The following ABCG2 variants were observed in gnomAD, a reference collection of about 807,000 sequenced individuals.
ABCG2 encodes ATP binding cassette subfamily G member 2 (JR blood group).
A neutral mutation model predicts 73.5 loss-of-function variants in ABCG2; 80 were observed. The observed-to-expected ratio is 1.09, with a 90% confidence interval of 0.91 to 1.31. ABCG2 has a LOEUF of 1.31. Ranked by LOEUF, ABCG2 falls within the 50% of genes most tolerant of loss-of-function variation. ABCG2 has a pLI of 0.00. For missense variants in ABCG2, 796 were observed against 786.2 expected (o/e 1.01, Z -0.15); for synonymous variants, 269 against 282.4 (o/e 0.95, Z 0.48).
At chr4:88,106,933 T>C (rs189141124) in intron 10 of ABCG2, among the ~76,000 whole-genome samples, 15 of 152,258 alleles carry the variant, frequency 9.9e-5, no homozygotes, top group South Asian at 4.2e-4. Context: ...TCGAGGCTAC[T>C]TGGGAAGCTG....
intron 15 of ABCG2, among the ~76,000 whole-genome samples, chr4:88,093,773 T>C (rs910178986): frequency 3.3e-5 from 5 of 152,190 alleles, no homozygotes; most frequent in African/African-American, 1.2e-4. Context: ...ATTCAGGAGA[T>C]TGAGGATAAT....
chr4:88,219,675 A>G (rs1202590509), intron 1 of ABCG2, among the ~76,000 whole-genome samples: 2 of 130,936 alleles, frequency 1.5e-5, no homozygotes, highest in Non-Finnish European at 3.1e-5. Flanking sequence ...TCCGCCTCCC[A>G]GGTTCACGCC....
chr4:88,210,298 T>C (rs1386614268), intron 1 of ABCG2, among the ~76,000 whole-genome samples: 1 of 152,150 alleles, frequency 6.6e-6, no homozygotes, highest in Non-Finnish European at 1.5e-5. Flanking sequence ...CAAGCAACCT[T>C]CCCACCTCAG....
rs759785146 is a variant in ABCG2 at position 88,097,494 on chromosome 4, C to T, written c.1606G>A (p.Val536Ile). 3.7e-6 allele frequency: 6 copies of T among 1,614,174 alleles called. No homozygotes were observed. The highest frequency in any genetic ancestry group is 2.2e-5 in the East Asian group (1 of 44,866). The change falls in exon 13 of 16, where the codon GTA becomes ATA. Residue 536 changes from valine to isoleucine, a missense_variant. Val to Ile is a conservative substitution (Grantham distance 29, BLOSUM62 3). Transcript: ENST00000237612. ...AIAAGQSVVS[V>I]ATLLMTICFV... Reference sequence around the variant, plus strand: ...CAGATGGTCATGAGAAGTGTTGCTACAGAAACCACACTCTGACCTGCTGCT... The same window carrying T: ...CAGATGGTCATGAGAAGTGTTGCTATAGAAACCACACTCTGACCTGCTGCT...
chr4:88,101,568 A>C (rs2110189451), intron 10 of ABCG2, among the ~76,000 whole-genome samples: 1 of 152,088 alleles, frequency 6.6e-6, no homozygotes, highest in South Asian at 2.1e-4. Context: ...GTCTCCCCCC[A>C]CCAAAATTCA....
intron 11 of ABCG2, among the ~76,000 whole-genome samples, chr4:88,100,731 C>T (rs549903799): frequency 1.3e-4 from 20 of 152,106 alleles, no homozygotes; most frequent in Non-Finnish European, 2.2e-4. Flanking sequence ...CCTTCCGGCT[C>T]GTGCCACTTC....
At chr4:88,191,790 A>G (rs1728704300) in intron 1 of ABCG2, among the ~76,000 whole-genome samples, 1 of 152,264 alleles carries the variant, frequency 6.6e-6, no homozygotes, top group Non-Finnish European at 1.5e-5. Flanking sequence ...AAATTAATGA[A>G]GTACTAATTC....
intron 5 of ABCG2, among the ~76,000 whole-genome samples, chr4:88,129,100 T>C (rs753613319): frequency 2.0e-5 from 3 of 152,106 alleles, no homozygotes; most frequent in Non-Finnish European, 4.4e-5. Flanking sequence ...TCTAACACTC[T>C]CTCCCCTCCC....
In ABCG2 at chr4:88,090,821, G is replaced by GT. The variant is rs765268483; in HGVS notation, c.*1412dup. The GT allele has an allele frequency of 3.3e-5, 5 of 152,254 alleles. No individual in the cohort carries two copies. Among genetic ancestry groups the GT allele is most frequent in the Non-Finnish European group, 5.9e-5 (4 of 68,046 alleles). 9.4% of individuals were successfully genotyped at this position (152,254 alleles called of 1,614,324 possible). On this transcript the variant is annotated 3_prime_UTR_variant, in exon 16 of 16. Transcript: ENST00000237612. ...AATATTGTGTGCAGTTTAATTAACA[G>GT]TGATTGTACCAATGTTAACTTGTTA...
At chr4:88,135,157 C>T (rs1376475583) in intron 2 of ABCG2, among the ~76,000 whole-genome samples, 2 of 152,172 alleles carry the variant, frequency 1.3e-5, no homozygotes, top group African/African-American at 4.8e-5. Flanking sequence ...CTGTTCTAGT[C>T]TATGGTCTAC....
At chr4:88,147,401 TTTC>T (rs1726132733) in intron 1 of ABCG2, among the ~76,000 whole-genome samples, 1 of 152,256 alleles carries the variant, frequency 6.6e-6, no homozygotes, top group African/African-American at 2.4e-5. Context: ...GAGCATGAAC[TTTC>T]TTCTTCTTCA....
At chr4:88,165,423 C>T (rs1181060412) in intron 1 of ABCG2, among the ~76,000 whole-genome samples, 1 of 152,236 alleles carries the variant, frequency 6.6e-6, no homozygotes, top group Non-Finnish European at 1.5e-5. Context: ...CTCTTGGCCT[C>T]TTTCTCCATC....
At chr4:88,133,976 C>A (rs1725076744) in intron 2 of ABCG2, among the ~76,000 whole-genome samples, 1 of 149,296 alleles carries the variant, frequency 6.7e-6, no homozygotes, top group Non-Finnish European at 1.5e-5. Flanking sequence ...CCAGCCTGGG[C>A]AACAGAGCAA....
Position 88,131,202 on chromosome 4 carries a change from C to A in ABCG2, c.390G>T (p.Val130=), listed in dbSNP as rs1052454710. Residue 130 remains valine (V), a synonymous_variant, in exon 5 of 16, where the codon GTG becomes GTT. Transcript: ENST00000237612. ...TTTCTCTCACCGTCAGAGTGCCCATCACAACATCATCCTTAAGGCAAATAG... is the reference window on the plus strand; with the variant it reads ...TTTCTCTCACCGTCAGAGTGCCCATAACAACATCATCCTTAAGGCAAATAG... The part of the protein sequence containing the change: ...NSGYVVQDDV[V]MGTLTVRENL... 5 of 1,613,886 alleles carry A rather than the reference C, an allele frequency of 3.1e-6. No individual in the cohort carries two copies. Among genetic ancestry groups the A allele is most frequent in the East Asian group, 2.2e-5 (1 of 44,878 alleles).
intron 1 of ABCG2, among the ~76,000 whole-genome samples, chr4:88,199,557 G>A (rs1729070645): frequency 6.6e-6 from 1 of 151,998 alleles, no homozygotes; most frequent in African/African-American, 2.4e-5. Context: ...TTAACATGTT[G>A]GTAGAAAAAT....
chr4:88,107,737 T>C, intron 9 of ABCG2, among the ~76,000 whole-genome samples: 1 of 152,230 alleles, frequency 6.6e-6, no homozygotes, highest in Non-Finnish European at 1.5e-5. Flanking sequence ...AAACAGGATA[T>C]CTTTATTCTT....
At position 88,101,265 on chromosome 4, in the gene ABCG2, G is replaced by GGCTGAAACACT; in HGVS notation, c.1321_1331dup (p.Glu446PhefsTer9). 3.1e-6 allele frequency: 5 copies of GGCTGAAACACT among 1,614,034 alleles called. No homozygotes were observed. The highest frequency in any genetic ancestry group is 4.2e-6 in the Non-Finnish European group (5 of 1,180,012). On this transcript the variant is annotated frameshift_variant, in exon 11 of 16. Coordinates refer to ENST00000237612, the MANE Select transcript of ABCG2 (RefSeq NM_004827.3). LOFTEE classifies it high-confidence loss of function. ...TCTTCTCTACCACAAAGAGTTCCAC[G>GGCTGAAACACT]GCTGAAACACTGCTGAAACACTGGT... is the stretch of plus-strand genomic sequence containing the variant.
chr4:88,099,574 A>C (rs1170794897), intron 11 of ABCG2, 126 bp from the exon 12 acceptor site: 1 of 937,600 alleles, frequency 1.1e-6, no homozygotes, highest in Non-Finnish European at 1.5e-6. Flanking sequence ...CCACATCCTC[A>C]GGGCTAGACC....
At chr4:88,125,019 G>A (rs192566061) in intron 5 of ABCG2, among the ~76,000 whole-genome samples, 289 of 152,198 alleles carry the variant, frequency 1.9e-3, no homozygotes, top group African/African-American at 6.4e-3. Flanking sequence ...AAGGCCAGGC[G>A]TGGTGGCTCA....
Sources: allele counts gnomAD v4.1 joint callset (sites outside exome capture counted in the v4.1 genomes callset), GRCh38; gene constraint gnomAD v4.1.1; transcripts MANE v1.5; gene names NCBI Gene and HGNC (gene_info 2026-07-23, HGNC 2026-07-21).